The following MYO9B variants were observed in gnomAD, a reference collection of about 807,000 sequenced individuals.
The protein encoded by MYO9B is myosin IXB.
MYO9B carries 71 observed loss-of-function variants against 229.5 expected under a neutral mutation model. The ratio of observed to expected loss-of-function variants is 0.31; its 90% CI spans 0.26 to 0.38. The LOEUF (loss-of-function observed/expected upper bound fraction) is 0.38. MYO9B is among the 10% of genes least tolerant of loss of function. MYO9B has a pLI of 1.00. For synonymous variants in MYO9B, 1,185 were observed against 1,235.8 expected, an observed-to-expected ratio of 0.96 and a Z score of 0.86; for missense variants, 2,255 against 2,920.5, an observed-to-expected ratio of 0.77 and a Z score of 5.25.
intron 2 of MYO9B, among the ~76,000 whole-genome samples, chr19:17,142,349 C>T (rs1340859030): frequency 2.6e-5 from 4 of 151,982 alleles, no homozygotes; most frequent in East Asian, 1.9e-4. Flanking sequence ...GTCTCCTTTT[C>T]GGGGGATCAG....
intron 2 of MYO9B, among the ~76,000 whole-genome samples, chr19:17,134,376 TGTTTG>T (rs2072241079): frequency 1.5e-5 from 2 of 132,492 alleles, no homozygotes; most frequent in African/African-American, 2.9e-5. Context: ...TTTTTCGTTT[TGTTTG>T]TTTTTTTTTT....
At chr19:17,117,135 G>C (rs2057912234) in intron 2 of MYO9B, among the ~76,000 whole-genome samples, 2 of 152,166 alleles carry the variant, frequency 1.3e-5, no homozygotes, top group African/African-American at 4.8e-5. Context: ...GGGTTTTACT[G>C]CTCCAGGGTT....
intron 1 of MYO9B, among the ~76,000 whole-genome samples, chr19:17,079,390 G>A (rs1184130192): frequency 6.6e-6 from 1 of 152,136 alleles, no homozygotes; most frequent in Non-Finnish European, 1.5e-5. Context: ...GGTGGACAGC[G>A]GGTGCCCTTG....
chr19:17,126,501 C>T (rs997563764), intron 2 of MYO9B, among the ~76,000 whole-genome samples: 6 of 152,168 alleles, frequency 3.9e-5, no homozygotes, highest in African/African-American at 1.4e-4. Flanking sequence ...TAGGGGCCAC[C>T]CAGTCTCTGT....
intron 35 of MYO9B, chr19:17,208,138 G>A (rs2145516225): frequency 6.6e-6 from 1 of 151,576 alleles, no homozygotes; most frequent in East Asian, 1.9e-4. Flanking sequence ...GCAACAGAGT[G>A]AGACTCCGTC....
intron 1 of MYO9B, among the ~76,000 whole-genome samples, chr19:17,084,309 G>A (rs1256232732): frequency 2.0e-5 from 3 of 151,694 alleles, no homozygotes; most frequent in African/African-American, 4.8e-5. Context: ...CTGCACTCCA[G>A]CCTGGGTGAC....
rs773933496 is a variant in MYO9B, at chr19:17,210,387, A to G, written c.5796+7A>G. The G allele has an allele frequency of 1.9e-6, 3 of 1,590,538 alleles. No homozygotes were observed. The highest frequency in any genetic ancestry group is 2.6e-6 in the Non-Finnish European group (3 of 1,168,228). ...TCCCTATGAGGGGGTCCTGGTATGTACGCGTTCGGTGGGCCCGCGGTGCAT... is the reference window on the plus strand; with the variant it reads ...TCCCTATGAGGGGGTCCTGGTATGTGCGCGTTCGGTGGGCCCGCGGTGCAT... On this transcript the variant is annotated splice_region_variant and intron_variant, in intron 37 of 39. Coordinates refer to ENST00000682292, the MANE Select transcript of MYO9B (RefSeq NM_004145.4).
At chr19:17,197,399 A>AGAT (rs1275675676) in intron 22 of MYO9B, among the ~76,000 whole-genome samples, 624 of 47,832 alleles carry the variant, frequency 0.013, 5 homozygotes, top group African/African-American at 0.054. Flanking sequence ...ATGGATGGAT[A>AGAT]GATAGATGAT....
At chr19:17,086,369 G>A (rs1287964037) in intron 1 of MYO9B, among the ~76,000 whole-genome samples, 3 of 152,150 alleles carry the variant, frequency 2.0e-5, no homozygotes, top group Admixed American at 1.3e-4. Flanking sequence ...CTCTGGGCAC[G>A]TCCAGCTCGT....
At chr19:17,134,657 G>A (rs925709514) in intron 2 of MYO9B, among the ~76,000 whole-genome samples, 1 of 151,770 alleles carries the variant, frequency 6.6e-6, no homozygotes, top group Non-Finnish European at 1.5e-5. Flanking sequence ...CAAAGTGCTG[G>A]AATTACAGGT....
intron 11 of MYO9B, among the ~76,000 whole-genome samples, chr19:17,168,279 G>A (rs775472163): frequency 1.3e-5 from 2 of 152,138 alleles, no homozygotes; most frequent in East Asian, 1.9e-4. Flanking sequence ...ATCCCCTGAC[G>A]TGAGCCTCTG....
Position 17,210,751 on chromosome 19 carries a change from G to A in MYO9B, c.5833G>A (p.Glu1945Lys), listed in dbSNP as rs753197748. 1.3e-6 allele frequency: 2 copies of A among 1,564,830 alleles called. No individual in the cohort carries two copies. The highest frequency in any genetic ancestry group is 1.4e-5 in the African/African-American group (1 of 73,564). The change falls in exon 38 of 40, where the codon GAG becomes AAG. Residue 1945 changes from glutamate (E) to lysine (K), a missense_variant. Coordinates refer to ENST00000682292, the MANE Select transcript of MYO9B (RefSeq NM_004145.4). Reference protein sequence around the residue: ...SPKTRDIQEEELEVLLEEEAA... With the variant: ...SPKTRDIQEEKLEVLLEEEAA... ...CAAGACCCGGGACATCCAGGAGGAG[G>A]AGCTGGAGGTGCTGCTGGAGGAGGA...
chr19:17,152,854 C>A, intron 4 of MYO9B, 148 bp downstream of exon 4: 1 of 654,064 alleles, frequency 1.5e-6, no homozygotes, highest in Non-Finnish European at 2.6e-6. Flanking sequence ...GCCTGCCCAT[C>A]CATCTTCTCC....
chr19:17,161,133 C>T (rs1325515825), intron 8 of MYO9B, among the ~76,000 whole-genome samples: 1 of 152,156 alleles, frequency 6.6e-6, no homozygotes, highest in Non-Finnish European at 1.5e-5. Context: ...GTGACAGCCA[C>T]ATGGTGCACC....
At chr19:17,137,871 C>A (rs2072290732) in intron 2 of MYO9B, among the ~76,000 whole-genome samples, 1 of 151,024 alleles carries the variant, frequency 6.6e-6, no homozygotes, top group African/African-American at 2.4e-5. Context: ...TCCAAAGTAA[C>A]TGGAACTACA....
chr19:17,199,871 GT>G (rs1243083069), intron 24 of MYO9B, among the ~76,000 whole-genome samples: 27 of 138,652 alleles, frequency 1.9e-4, no homozygotes, highest in Admixed American at 2.2e-4. Context: ...TTTGTTTTTT[GT>G]TTTTTTTTTT....
At chr19:17,208,676 C>A (rs954620232) in intron 35 of MYO9B, among the ~76,000 whole-genome samples, 2 of 152,074 alleles carry the variant, frequency 1.3e-5, no homozygotes, top group African/African-American at 2.4e-5. Context: ...TGTGATCCGC[C>A]GTGAGCCACC....
In MYO9B at chr19:17,200,729, T is replaced by C. The variant is rs769581694; in HGVS notation, c.4463T>C (p.Ile1488Thr). Residue 1488 changes from isoleucine to threonine, a missense_variant, in exon 26 of 40, where the codon ATT becomes ACT. By Grantham distance (89) the Ile-to-Thr change is moderately conservative (BLOSUM62 -1). Around this residue, in one of 7 missense-constraint regions of MYO9B, gnomAD observed 416 missense variants for 605.5 expected, o/e 0.69. Transcript: ENST00000682292. ...GKGKKNRNVKIGKITVSEKWR... is the reference protein window; with the variant it reads ...GKGKKNRNVKTGKITVSEKWR... Reference sequence around the variant, plus strand: ...GGGAAGAAGAACCGAAATGTCAAGATTGGGAAGATCACAGTGTCAGAGAAG... The same window carrying C: ...GGGAAGAAGAACCGAAATGTCAAGACTGGGAAGATCACAGTGTCAGAGAAG... 3.7e-6 allele frequency: 6 copies of C among 1,613,968 alleles called. No homozygotes were observed. The highest frequency in any genetic ancestry group is 5.1e-6 in the Non-Finnish European group (6 of 1,179,888).
chr19:17,165,460 A>C (rs1030410705), intron 10 of MYO9B, among the ~76,000 whole-genome samples: 4 of 151,882 alleles, frequency 2.6e-5, no homozygotes, highest in Admixed American at 1.3e-4. Flanking sequence ...TAACAATACC[A>C]GTGGTTTGGG....
Sources: allele counts gnomAD v4.1 joint callset (sites outside exome capture counted in the v4.1 genomes callset), GRCh38; gene constraint gnomAD v4.1.1; regional missense constraint gnomAD v4.1.1; transcripts MANE v1.5; gene names NCBI Gene and HGNC (gene_info 2026-07-23, HGNC 2026-07-21).